ANO3: variants seen among roughly 807,000 people sequenced by gnomAD.
ANO3 encodes anoctamin 3, also known as anoctamin-3.
Under a neutral mutation model 144.8 loss-of-function variants are expected in ANO3, and 99 were observed. The ratio of observed to expected loss-of-function variants is 0.68; its 90% CI spans 0.58 to 0.81. ANO3 has a LOEUF of 0.81. Ranked by LOEUF, ANO3 falls within the 30% of genes least tolerant of loss-of-function variation. ANO3 has a pLI of 0.00. For synonymous variants in ANO3, 414 were observed against 392.6 expected (o/e 1.05, Z -0.64); for missense variants, 905 against 1,202.2 (o/e 0.75, Z 3.66).
At chr11:26,198,126 T>C (rs1434429987) in intron 1 of ANO3, among the ~76,000 whole-genome samples, 1 of 152,142 alleles carries the variant, frequency 6.6e-6, no homozygotes, top group African/African-American at 2.4e-5. Context: ...AGGCACATGT[T>C]AGGGAGGACT....
At chr11:26,515,450 A>G (rs1016126003) in intron 5 of ANO3, among the ~76,000 whole-genome samples, 62 of 151,920 alleles carry the variant, frequency 4.1e-4, no homozygotes, top group African/African-American at 1.5e-3. Flanking sequence ...CTAATACTCT[A>G]TGGAAAGGGT....
chr11:26,500,833 A>T (rs1316178057), intron 4 of ANO3, among the ~76,000 whole-genome samples: 2 of 151,824 alleles, frequency 1.3e-5, no homozygotes, highest in Non-Finnish European at 2.9e-5. Context: ...TCTTTATAAT[A>T]AGTAGGGTCT....
intron 1 of ANO3, among the ~76,000 whole-genome samples, chr11:26,229,139 T>C (rs1302485332): frequency 6.6e-6 from 1 of 152,188 alleles, no homozygotes; most frequent in Non-Finnish European, 1.5e-5. Flanking sequence ...ACTATATTGG[T>C]AGAAATTTCT....
chr11:26,383,290 A>T, intron 1 of ANO3, among the ~76,000 whole-genome samples: 1 of 152,164 alleles, frequency 6.6e-6, no homozygotes, highest in South Asian at 2.1e-4. Flanking sequence ...ATGAAGCTTA[A>T]TTTTTTTAAC....
intron 4 of ANO3, among the ~76,000 whole-genome samples, chr11:26,497,025 G>GAC (rs10597733): frequency 0.038 from 5,438 of 142,922 alleles, 236 homozygotes; most frequent in African/African-American, 0.11. Flanking sequence ...CATATATACA[G>GAC]ACACACACAC....
intron 14 of ANO3, among the ~76,000 whole-genome samples, chr11:26,568,679 CA>C (rs1193753506): frequency 6.6e-6 from 1 of 152,024 alleles, no homozygotes; most frequent in East Asian, 1.9e-4. Context: ...ATGAAGTTTA[CA>C]GATTAGCATT....
chr11:26,643,081 T>A (rs1590669396), intron 22 of ANO3, 101 bp from the exon 23 acceptor site: 2 of 1,016,426 alleles, frequency 2.0e-6, no homozygotes, highest in East Asian at 4.8e-5. Context: ...AGCTATCTAC[T>A]TTGTAAGGAT....
intron 1 of ANO3, among the ~76,000 whole-genome samples, chr11:26,406,566 T>C (rs1185287149): frequency 6.6e-6 from 1 of 151,738 alleles, no homozygotes; most frequent in Non-Finnish European, 1.5e-5. Flanking sequence ...ACCTCTCACA[T>C]AGGCAAAATA....
intron 3 of ANO3, among the ~76,000 whole-genome samples, chr11:26,450,518 A>G (rs1330318387): frequency 6.6e-6 from 1 of 152,182 alleles, no homozygotes; most frequent in African/African-American, 2.4e-5. Flanking sequence ...CCATTCATGA[A>G]TTTATTCTTC....
chr11:26,396,207 A>T (rs1055278306), intron 1 of ANO3, among the ~76,000 whole-genome samples: 2 of 152,214 alleles, frequency 1.3e-5, no homozygotes, highest in African/African-American at 4.8e-5. Flanking sequence ...ATCACTGGTC[A>T]TTAGAGAAAT....
At chr11:26,516,761 A>C in intron 5 of ANO3, 66 bp from the exon 6 acceptor site, 2 of 1,146,990 alleles carry the variant, frequency 1.7e-6, no homozygotes, top group Non-Finnish European at 2.6e-6. Context: ...TTCCCAAATC[A>C]AACTGTGGCA....
chr11:26,289,574 ATATAT>A (rs1351204186), intron 1 of ANO3, among the ~76,000 whole-genome samples: 3,052 of 112,880 alleles, frequency 0.027, 33 homozygotes, highest in Non-Finnish European at 0.041. Flanking sequence ...ACATATACAC[ATATAT>A]CCTATATGTG....
At position 26,443,789 on chromosome 11, in the gene ANO3, ACT is replaced by A; in HGVS notation, c.269_270del (p.Ser90CysfsTer8). ...GTTAATACTGAGGAGAATAAAAACG[ACT>A]CTGTGCTGAGATGTTCATTTGCTGA... On this transcript the variant is annotated frameshift_variant, in exon 3 of 27. Transcript: ENST00000256737. LOFTEE classifies it high-confidence loss of function. 1 of 1,608,690 alleles carries A rather than the reference ACT, an allele frequency of 6.2e-7. No individual in the cohort carries two copies. Among genetic ancestry groups the A allele is most frequent in the Non-Finnish European group, 8.5e-7 (1 of 1,177,962 alleles).
At chr11:26,365,977 TATATATATATATATATATA>T (rs1466567514) in intron 1 of ANO3, among the ~76,000 whole-genome samples, 18,676 of 73,228 alleles carry the variant, frequency 0.26, 1,894 homozygotes, top group East Asian at 0.49. Flanking sequence ...TATATATATA[TATATATATATATATATATA>T]TATATATTTT....
At chr11:26,199,960 GGGAGCCTAA>G (rs1431442386) in intron 1 of ANO3, among the ~76,000 whole-genome samples, 1 of 152,166 alleles carries the variant, frequency 6.6e-6, no homozygotes, top group Non-Finnish European at 1.5e-5. Flanking sequence ...AGATTTAGAA[GGGAGCCTAA>G]GTTTATCCAA....
intron 14 of ANO3, among the ~76,000 whole-genome samples, chr11:26,595,465 T>TTTG (rs1299350413): frequency 1.0e-4 from 15 of 143,590 alleles, no homozygotes; most frequent in African/African-American, 3.9e-4. Context: ...GAGTTGTTTT[T>TTTG]TTTTTTTTTT....
intron 1 of ANO3, among the ~76,000 whole-genome samples, chr11:26,191,987 T>C (rs1851487663): frequency 6.6e-6 from 1 of 152,212 alleles, no homozygotes. Context: ...GATACACATA[T>C]AAAAATTATG....
At chr11:26,489,127 G>A (rs1860596239) in intron 4 of ANO3, among the ~76,000 whole-genome samples, 1 of 152,184 alleles carries the variant, frequency 6.6e-6, no homozygotes, top group Non-Finnish European at 1.5e-5. Context: ...AGGAAAAAGT[G>A]GTTTCGTGGG....
chr11:26,507,131 T>C (rs61876929), intron 4 of ANO3, among the ~76,000 whole-genome samples: 299 of 152,318 alleles, frequency 2.0e-3, no homozygotes, highest in Non-Finnish European at 3.6e-3. Context: ...TGGCTCCTCA[T>C]TGATCTTGGG....
Sources: gnomAD v4.1 joint callset for allele counts (sites outside exome capture counted in the v4.1 genomes callset) on GRCh38, gnomAD v4.1.1 for gene constraint, MANE v1.5 for transcripts, NCBI Gene and HGNC (gene_info 2026-07-23, HGNC 2026-07-21) for gene names.